RGS7BP: variants seen among roughly 807,000 people sequenced by gnomAD.
The protein encoded by RGS7BP is regulator of G protein signaling 7-binding protein.
In RGS7BP, 9 loss-of-function variants were observed where a neutral mutation model predicts 31.3. The ratio of observed to expected loss-of-function variants is 0.29; its 90% CI spans 0.17 to 0.50. The LOEUF (loss-of-function observed/expected upper bound fraction) is 0.50, where lower values mean the gene tolerates loss of function less well. Ranked by LOEUF, RGS7BP falls within the 20% of genes least tolerant of loss-of-function variation. The probability of loss-of-function intolerance (pLI) is 0.98; values close to 1 mark genes in which losing one functional copy is unlikely to be tolerated. For synonymous variants in RGS7BP, 115 were observed against 120.1 expected, an observed-to-expected ratio of 0.96 and a Z score of 0.28; for missense variants, 274 against 322.0, an observed-to-expected ratio of 0.85 and a Z score of 1.14.
intron 2 of RGS7BP, among the ~76,000 whole-genome samples, chr5:64,566,017 G>A (rs184063434): frequency 1.4e-3 from 215 of 152,230 alleles, no homozygotes; most frequent in Admixed American, 2.8e-3. Context: ...GTGTTGGGTA[G>A]GAGTCTGAAG....
chr5:64,506,803 G>C lies in RGS7BP; in HGVS notation c.165+14G>C. Reference sequence around the variant, plus strand: ...GACTGCAAGATGGTGGGTGAAAACTGCGCCTCTTTTTTTTTTTTTTTAATT... The same window carrying C: ...GACTGCAAGATGGTGGGTGAAAACTCCGCCTCTTTTTTTTTTTTTTTAATT... On this transcript the variant is annotated intron_variant, in intron 1 of 5. Transcript: ENST00000334025. The surrounding 1 kb of genome is among the most constrained non-coding windows in gnomAD (Gnocchi z 4.6). 6.6e-7 allele frequency: 1 copy of C among 1,507,808 alleles called. No individual in the cohort carries two copies. The highest frequency in any genetic ancestry group is 8.9e-7 in the Non-Finnish European group (1 of 1,120,992). The allele number at this position is 1,507,808 out of a possible 1,614,324, so 93.4% of individuals were successfully genotyped here.
rs1748672814 is a variant in RGS7BP at position 64,506,261 on chromosome 5, A to G, written c.-364A>G. The G allele has an allele frequency of 5.5e-6, 1 of 183,248 alleles. No homozygotes were observed. The highest frequency in any genetic ancestry group is 1.1e-5 in the Non-Finnish European group (1 of 89,066). 11.4% of individuals were successfully genotyped at this position (183,248 alleles called of 1,614,324 possible). ...GAAAGCTGCTCCCCCACCTGAATGG[A>G]AACTCGGAACCGCCGGGCGGCGCGT... is the stretch of plus-strand genomic sequence containing the variant. On this transcript the variant is annotated 5_prime_UTR_variant, in exon 1 of 6. Coordinates refer to ENST00000334025, the MANE Select transcript of RGS7BP (RefSeq NM_001029875.3). The surrounding 1 kb of genome is among the most constrained non-coding windows in gnomAD (Gnocchi z 4.6).
intron 2 of RGS7BP, among the ~76,000 whole-genome samples, chr5:64,556,462 A>C (rs1044843458): frequency 2.8e-5 from 4 of 140,870 alleles, no homozygotes; most frequent in Non-Finnish European, 6.2e-5. Flanking sequence ...CACACACACA[A>C]AATTGGCTTC....
intron 3 of RGS7BP, among the ~76,000 whole-genome samples, chr5:64,587,233 G>A (rs901813604): frequency 6.6e-6 from 1 of 152,146 alleles, no homozygotes; most frequent in African/African-American, 2.4e-5. Flanking sequence ...AGAAAATAGA[G>A]AATGACAAAC....
Position 64,506,579 on chromosome 5 carries a change from C to G in RGS7BP, c.-46C>G. ...CAGGGCAACAACCGGGCCGCCCGCG[C>G]CGGGGCGCACTGCACCAGCGGCTTC... On this transcript the variant is annotated 5_prime_UTR_variant, in exon 1 of 6. Coordinates refer to ENST00000334025, the MANE Select transcript of RGS7BP (RefSeq NM_001029875.3). This position sits in a 1 kb window ranked among gnomAD's most constrained non-coding sequence, Gnocchi z 4.6. The G allele has an allele frequency of 1.3e-6, 2 of 1,536,526 alleles. No homozygotes were observed. Among genetic ancestry groups the G allele is most frequent in the Non-Finnish European group, 1.8e-6 (2 of 1,132,434 alleles).
intron 2 of RGS7BP, among the ~76,000 whole-genome samples, chr5:64,573,370 A>T (rs1742344800): frequency 6.6e-6 from 1 of 152,152 alleles, no homozygotes; most frequent in South Asian, 2.1e-4. Context: ...TAAATTACAT[A>T]AAATGTCATC....
At chr5:64,540,812 GA>G (rs1741508817) in intron 2 of RGS7BP, among the ~76,000 whole-genome samples, 1 of 152,106 alleles carries the variant, frequency 6.6e-6, no homozygotes, top group Non-Finnish European at 1.5e-5. Context: ...AGAAAGGAGG[GA>G]GGGCTACAAA....
chr5:64,536,209 C>G (rs1343018423), intron 2 of RGS7BP, among the ~76,000 whole-genome samples: 1 of 152,000 alleles, frequency 6.6e-6, no homozygotes, highest in Non-Finnish European at 1.5e-5. Flanking sequence ...AGACAGAAGC[C>G]CATAGCCGTA....
At chr5:64,571,784 G>A (rs546305820) in intron 2 of RGS7BP, among the ~76,000 whole-genome samples, 19 of 152,222 alleles carry the variant, frequency 1.2e-4, no homozygotes, top group Non-Finnish European at 2.2e-4. Flanking sequence ...ATCCTGATCT[G>A]TAAGGAGTTA....
At chr5:64,572,520 G>C (rs1377021926) in intron 2 of RGS7BP, among the ~76,000 whole-genome samples, 3 of 152,090 alleles carry the variant, frequency 2.0e-5, no homozygotes, top group Non-Finnish European at 4.4e-5. Flanking sequence ...AGATACCTTA[G>C]CTTTTCCACT....
At chr5:64,509,261 A>C (rs993116485) in intron 2 of RGS7BP, among the ~76,000 whole-genome samples, 3 of 152,226 alleles carry the variant, frequency 2.0e-5, no homozygotes, top group South Asian at 4.1e-4. Context: ...GATAAACAGT[A>C]ATTCAAAAGG....
chr5:64,542,902 T>G (rs915450221), intron 2 of RGS7BP, among the ~76,000 whole-genome samples: 56 of 152,224 alleles, frequency 3.7e-4, no homozygotes, highest in African/African-American at 1.3e-3. Context: ...TACGACTCTG[T>G]GAAGTCAATG....
intron 4 of RGS7BP, among the ~76,000 whole-genome samples, chr5:64,596,710 GT>G (rs1743079159): frequency 6.6e-6 from 1 of 152,144 alleles, no homozygotes; most frequent in South Asian, 2.1e-4. Flanking sequence ...GATTTGGAAA[GT>G]TTTTACAGGT....
intron 3 of RGS7BP, among the ~76,000 whole-genome samples, chr5:64,579,011 C>T (rs894802166): frequency 6.6e-6 from 1 of 152,198 alleles, no homozygotes; most frequent in Non-Finnish European, 1.5e-5. Flanking sequence ...AACCCCTGAT[C>T]ACCATCTGTA....
chr5:64,591,551 C>G (rs187628809), intron 3 of RGS7BP, among the ~76,000 whole-genome samples: 7 of 152,192 alleles, frequency 4.6e-5, no homozygotes, highest in African/African-American at 1.2e-4. Flanking sequence ...TTAGCATAGC[C>G]TTTTCAGAGG....
At chr5:64,553,282 C>T (rs369687689) in intron 2 of RGS7BP, among the ~76,000 whole-genome samples, 1 of 148,768 alleles carries the variant, frequency 6.7e-6, no homozygotes, top group Admixed American at 6.9e-5. Flanking sequence ...AAACAATTCT[C>T]CTGCCTCAGC....
chr5:64,562,382 A>C (rs555699911), intron 2 of RGS7BP, among the ~76,000 whole-genome samples: 1 of 152,070 alleles, frequency 6.6e-6, no homozygotes, highest in African/African-American at 2.4e-5. Flanking sequence ...TCCATATATT[A>C]TTTCACTTAA....
chr5:64,537,464 T>C (rs1181726810), intron 2 of RGS7BP, among the ~76,000 whole-genome samples: 1 of 152,120 alleles, frequency 6.6e-6, no homozygotes, highest in Non-Finnish European at 1.5e-5. Context: ...GATATATAGT[T>C]AGCGTTGAAT....
chr5:64,607,875 GT>G (rs1172175718), intron 5 of RGS7BP, among the ~76,000 whole-genome samples: 1 of 149,716 alleles, frequency 6.7e-6, no homozygotes, highest in Non-Finnish European at 1.5e-5. Context: ...TGGTTGGGGG[GT>G]TTACAATTTT....
Sources: gnomAD v4.1 joint callset for allele counts (sites outside exome capture counted in the v4.1 genomes callset) on GRCh38, gnomAD v4.1.1 for gene constraint, Gnocchi (gnomAD v3.1) non-coding constraint, MANE v1.5 for transcripts, NCBI Gene and HGNC (gene_info 2026-07-23, HGNC 2026-07-21) for gene names.